AK9: variants seen among roughly 807,000 people sequenced by gnomAD.
The protein encoded by AK9 is adenylate kinase domain containing 1.
Under a neutral mutation model 239.6 loss-of-function variants are expected in AK9, and 191 were observed. That is an observed-to-expected ratio of 0.80 (90% CI 0.71 to 0.90). The LOEUF (loss-of-function observed/expected upper bound fraction) is 0.90, where lower values mean the gene tolerates loss of function less well. AK9 is among the 40% of genes least tolerant of loss of function. The pLI, the probability that AK9 is intolerant of heterozygous loss-of-function variation, is 0.00. For synonymous variants in AK9, 689 were observed against 721.0 expected, an observed-to-expected ratio of 0.96 and a Z score of 0.71; for missense variants, 1,995 against 2,214.7, an observed-to-expected ratio of 0.90 and a Z score of 1.99.
At chr6:109,517,073 G>A (rs1019579571) in intron 29 of AK9, among the ~76,000 whole-genome samples, 2 of 152,134 alleles carry the variant, frequency 1.3e-5, no homozygotes, top group African/African-American at 4.8e-5. Context: ...GGTTGTAGTA[G>A]CAGTGTGCTC....
chr6:109,643,785 C>G (rs1055649699), intron 9 of AK9, among the ~76,000 whole-genome samples: 3 of 152,194 alleles, frequency 2.0e-5, no homozygotes, highest in Admixed American at 2.0e-4. Flanking sequence ...TACCTGCAAA[C>G]CACTATGCTC....
intron 33 of AK9, among the ~76,000 whole-genome samples, chr6:109,508,679 T>C (rs1392003763): frequency 1.3e-5 from 2 of 152,180 alleles, no homozygotes; most frequent in East Asian, 1.9e-4. Context: ...GTGGCTGTGC[T>C]GGAGGAGCAA....
At chr6:109,620,890 T>C (rs1026331224) in intron 12 of AK9, among the ~76,000 whole-genome samples, 7 of 151,648 alleles carry the variant, frequency 4.6e-5, no homozygotes, top group Admixed American at 2.6e-4. Context: ...TATATGTATA[T>C]ACTTGCTGAT....
intron 29 of AK9, among the ~76,000 whole-genome samples, chr6:109,524,131 A>G (rs1780170765): frequency 6.6e-6 from 1 of 152,188 alleles, no homozygotes; most frequent in African/African-American, 2.4e-5. Context: ...AAATACACTT[A>G]TAATAAATGA....
intron 1 of AK9, among the ~76,000 whole-genome samples, chr6:109,677,495 T>C (rs1771928245): frequency 6.6e-6 from 1 of 152,132 alleles, no homozygotes; most frequent in African/African-American, 2.4e-5. Context: ...ATATCTATTA[T>C]GTTCAAATTA....
chr6:109,529,751 T>C (rs972870236), intron 28 of AK9, among the ~76,000 whole-genome samples: 1 of 152,154 alleles, frequency 6.6e-6, no homozygotes, highest in Non-Finnish European at 1.5e-5. Flanking sequence ...ATCCCTTGCA[T>C]GCACAATTAA....
chr6:109,585,533 A>C (rs1052582654), intron 18 of AK9, among the ~76,000 whole-genome samples: 26 of 152,214 alleles, frequency 1.7e-4, no homozygotes, highest in Non-Finnish European at 1.9e-4. Flanking sequence ...CAAACAGAAT[A>C]ATTAAAATTT....
rs1320060834 is a variant in AK9 at position 109,600,651 on chromosome 6, TG to T, written c.1842+9713del. ...TTGTTTGGATTAGTTTCAGAAGGAA[TG>T]GTACCAGCTCCTCCTTGTACCTCTG... On this transcript the variant is annotated intron_variant, in intron 17 of 40. Transcript: ENST00000424296. Among the ~76,000 whole-genome samples, 5 of 152,352 alleles carry T rather than the reference TG, an allele frequency of 3.3e-5. No homozygotes were observed. In the South Asian group the frequency reaches 8.3e-4, roughly 25 times the overall value.
chr6:109,497,030 C>A (rs1386037130), intron 38 of AK9, among the ~76,000 whole-genome samples: 2 of 152,160 alleles, frequency 1.3e-5, no homozygotes, highest in Non-Finnish European at 2.9e-5. Flanking sequence ...TTCACTCCGT[C>A]CCCTCTCCAC....
intron 29 of AK9, chr6:109,527,796 A>C (rs1780703769): frequency 6.6e-6 from 1 of 152,212 alleles, no homozygotes; most frequent in Non-Finnish European, 1.5e-5. Context: ...CCGAATGAAA[A>C]ATCAGAAGAA....
intron 24 of AK9, among the ~76,000 whole-genome samples, chr6:109,553,097 G>A (rs1343285228): frequency 6.6e-6 from 1 of 152,126 alleles, no homozygotes; most frequent in Admixed American, 6.5e-5. Context: ...ATGCTGTTTT[G>A]GTTACTGTAG....
At chr6:109,677,397 T>C (rs570038911) in intron 1 of AK9, among the ~76,000 whole-genome samples, 22 of 152,156 alleles carry the variant, frequency 1.4e-4, no homozygotes, top group Non-Finnish European at 2.5e-4. Flanking sequence ...TGATATATCA[T>C]GTGCACTAAC....
chr6:109,662,720 T>C (rs746007478), intron 5 of AK9, 57 bp from the exon 6 acceptor site: 5 of 835,060 alleles, frequency 6.0e-6, no homozygotes, highest in Non-Finnish European at 6.6e-6. Flanking sequence ...TATGAGGGCA[T>C]GGATTTATTA....
At chr6:109,657,260 A>C (rs75907943) in intron 7 of AK9, among the ~76,000 whole-genome samples, 3,867 of 152,236 alleles carry the variant, frequency 0.025, 94 homozygotes, top group East Asian at 0.11. Context: ...CACTGTTCTA[A>C]GGATTTGGAA....
chr6:109,583,460 T>C (rs929572579), intron 19 of AK9, among the ~76,000 whole-genome samples: 2 of 152,192 alleles, frequency 1.3e-5, no homozygotes, highest in Non-Finnish European at 2.9e-5. Context: ...TTCTCTCTTT[T>C]CTAACCAACC....
At chr6:109,689,326 T>C (rs1474953984) in intron 1 of AK9, among the ~76,000 whole-genome samples, 1 of 152,226 alleles carries the variant, frequency 6.6e-6, no homozygotes, top group Non-Finnish European at 1.5e-5. Flanking sequence ...GCAGCTGCTA[T>C]TAGTGCCTCC....
In AK9 at chr6:109,555,189, C is replaced by T. The variant is rs182767652; in HGVS notation, c.2752-4887G>A. 2.0e-4 allele frequency among the ~76,000 whole-genome samples: 31 copies of T among 152,256 alleles called. No individual in the cohort carries two copies. In the East Asian group the frequency reaches 5.4e-3, roughly 27 times the overall value. On this transcript the variant is annotated intron_variant, in intron 24 of 40. Coordinates refer to ENST00000424296, the MANE Select transcript of AK9 (RefSeq NM_001145128.3). The stretch of plus-strand genomic sequence containing the variant: ...CCTCTTAACACTGCTTTAGCTGTGT[C>T]CCAGAGATTCTTGTACATTGTCTCT...
At chr6:109,681,600 T>C (rs1197687491) in intron 1 of AK9, among the ~76,000 whole-genome samples, 2 of 152,196 alleles carry the variant, frequency 1.3e-5, no homozygotes, top group Non-Finnish European at 1.5e-5. Context: ...GCAGACCTAA[T>C]AGACATCTAC....
At chr6:109,587,587 T>A (rs1344827838) in intron 17 of AK9, among the ~76,000 whole-genome samples, 4 of 152,182 alleles carry the variant, frequency 2.6e-5, no homozygotes, top group Admixed American at 2.6e-4. Flanking sequence ...TAGCTCCCAA[T>A]TGTGAGAACA....
Sources: allele counts gnomAD v4.1 joint callset (sites outside exome capture counted in the v4.1 genomes callset), GRCh38; gene constraint gnomAD v4.1.1; transcripts MANE v1.5; gene names NCBI Gene and HGNC (gene_info 2026-07-23, HGNC 2026-07-21).